AASS: variants seen among roughly 807,000 people sequenced by gnomAD.
The protein encoded by AASS is aminoadipate-semialdehyde synthase.
AASS carries 86 observed loss-of-function variants against 105.4 expected under a neutral mutation model. The ratio of observed to expected loss-of-function variants is 0.82; its 90% CI spans 0.69 to 0.98. The LOEUF is 0.98. Ranked by LOEUF, AASS falls within the 50% of genes least tolerant of loss-of-function variation. The pLI, the probability that AASS is intolerant of heterozygous loss-of-function variation, is 0.00. For synonymous variants in AASS, 381 were observed against 394.8 expected, an observed-to-expected ratio of 0.96 and a Z score of 0.41; for missense variants, 1,048 against 1,143.2, an observed-to-expected ratio of 0.92 and a Z score of 1.20.
intron 20 of AASS, among the ~76,000 whole-genome samples, chr7:122,080,652 G>A (rs1157540685): frequency 6.6e-6 from 1 of 152,194 alleles, no homozygotes; most frequent in Non-Finnish European, 1.5e-5. Context: ...AATGCTTGAG[G>A]TGGTAGATAC....
chr7:122,090,003 T>C (rs1336931719), intron 18 of AASS, among the ~76,000 whole-genome samples: 1 of 152,218 alleles, frequency 6.6e-6, no homozygotes. Context: ...TGTAAAAGGA[T>C]GTGTGCTTGG....
intron 19 of AASS, chr7:122,082,647 T>A (rs1031211097): frequency 8.2e-5 from 28 of 343,184 alleles, no homozygotes; most frequent in Non-Finnish European, 1.5e-4. Flanking sequence ...TCGGGGCAGA[T>A]AAGTCAAACA....
At chr7:122,124,693 C>A (rs780456466) in intron 4 of AASS, among the ~76,000 whole-genome samples, 8 of 152,194 alleles carry the variant, frequency 5.3e-5, no homozygotes, top group Non-Finnish European at 1.2e-4. Flanking sequence ...GGTCCTACTT[C>A]TGAATATGGT....
intron 21 of AASS, chr7:122,079,393 A>C: frequency 7.5e-7 from 1 of 1,338,352 alleles, no homozygotes; most frequent in South Asian, 1.5e-5. Context: ...CGAGATAAGC[A>C]TTTCTCAAAT....
At chr7:122,122,597 C>G (rs758209892) in intron 4 of AASS, among the ~76,000 whole-genome samples, 20 of 152,098 alleles carry the variant, frequency 1.3e-4, no homozygotes, top group Non-Finnish European at 2.6e-4. Context: ...CGGAAACAAT[C>G]CCAGAAACAA....
chr7:122,129,477 C>G lies in AASS; in HGVS notation c.271G>C (p.Gly91Arg). Residue 91 changes from glycine (G) to arginine (R), a missense_variant, in exon 3 of 24, where the codon GGA (glycine) becomes CGA (arginine). Physicochemically the swap from Gly to Arg is moderately radical, Grantham distance 125. Coordinates refer to ENST00000417368, the MANE Select transcript of AASS (RefSeq NM_005763.4). ...TTTTCCTCTGGAGGTCTTTTAACTC[C>G]TAAAATTAGACAAGCTTCAGAAATA... is the stretch of plus-strand genomic sequence containing the variant. ...EDISEACLIL[G>R]VKRPPEEKLM... 4 of 1,613,532 alleles carry G rather than the reference C, an allele frequency of 2.5e-6. No individual in the cohort carries two copies. The highest frequency in any genetic ancestry group is 1.7e-6 in the Non-Finnish European group (2 of 1,179,708).
intron 13 of AASS, 123 bp from the exon 14 acceptor site, chr7:122,098,989 C>T (rs1794305921): frequency 2.0e-6 from 2 of 1,009,720 alleles, no homozygotes; most frequent in East Asian, 2.7e-5. Flanking sequence ...AACATTTTCT[C>T]TTCACATTAC....
rs978664365 is a variant in AASS, at chr7:122,126,278, T to A, written c.472+97A>T. ...TTCATTTTAATTTTTTCCATGGAAATAAACACTCCTATCCCCTTGCCGCAG... is the reference window on the plus strand; with the variant it reads ...TTCATTTTAATTTTTTCCATGGAAAAAAACACTCCTATCCCCTTGCCGCAG... On this transcript the variant is annotated intron_variant, in intron 4 of 23. Coordinates refer to ENST00000417368, the MANE Select transcript of AASS (RefSeq NM_005763.4). 4 of 1,054,670 alleles carry A rather than the reference T, an allele frequency of 3.8e-6. No homozygotes were observed. In the African/African-American group the frequency reaches 4.7e-5, roughly 12 times the overall value. The allele number at this position is 1,054,670 out of a possible 1,614,324, so 65.3% of individuals were successfully genotyped here.
Position 122,116,686 on chromosome 7 carries a change from G to A in AASS, c.841C>T (p.Pro281Ser). 6.2e-7 allele frequency: 1 copy of A among 1,614,072 alleles called. No individual in the cohort carries two copies. Among genetic ancestry groups the A allele is most frequent in the Non-Finnish European group, 8.5e-7 (1 of 1,179,980 alleles). The part of the protein sequence containing the change: ...LVRKTDAVYD[P>S]AEYDKHPERY... ...TCCGGATGTTTGTCATACTCTGCAG[G>A]ATCATACACAGCATCTGTTTTCCTG... is the stretch of plus-strand genomic sequence containing the variant. Residue 281 changes from proline (P) to serine (S), a missense_variant, in exon 8 of 24, where the codon CCT (proline) becomes TCT (serine). By Grantham distance (74) the Pro-to-Ser change is moderately conservative. Transcript: ENST00000417368.
intron 18 of AASS, 101 bp from the exon 19 acceptor site, chr7:122,086,280 A>C (rs865999866): frequency 8.5e-7 from 1 of 1,179,636 alleles, no homozygotes; most frequent in Non-Finnish European, 1.2e-6. Context: ...AATTTGAAAA[A>C]AAAAATAAAA....
intron 18 of AASS, among the ~76,000 whole-genome samples, chr7:122,090,643 G>C (rs1793853193): frequency 6.6e-6 from 1 of 152,088 alleles, no homozygotes; most frequent in South Asian, 2.1e-4. Flanking sequence ...CAGGACTAGG[G>C]CAAGGTGAAT....
intron 2 of AASS, among the ~76,000 whole-genome samples, chr7:122,132,600 G>A (rs1255409862): frequency 3.3e-5 from 5 of 152,152 alleles, no homozygotes; most frequent in Non-Finnish European, 7.4e-5. Flanking sequence ...CCAACCATGG[G>A]ACGACCAGAT....
Position 122,113,717 on chromosome 7 carries a change from G to A in AASS, c.1047C>T (p.Leu349=), listed in dbSNP as rs753772911. ...VEGCPALPHK[L]VAICDISADT... ...CAGCTGAAATGTCACATATTGCCACGAGTCTGAAAATAACATCAATACTTA... is the reference window on the plus strand; with the variant it reads ...CAGCTGAAATGTCACATATTGCCACAAGTCTGAAAATAACATCAATACTTA... The change falls in exon 10 of 24, where the codon CTC becomes CTT. Residue 349 remains leucine (L), a synonymous_variant. Transcript: ENST00000417368. The A allele has an allele frequency of 2.5e-6, 4 of 1,612,324 alleles. No individual in the cohort carries two copies. Among genetic ancestry groups the A allele is most frequent in the Admixed American group, 1.7e-5 (1 of 59,968 alleles).
chr7:122,094,154 C>T lies in AASS; in HGVS notation c.1656-996G>A, dbSNP rs531667658. ...AACCTACTGGGTACTATGCTTGCTA[C>T]TTGGTGACAGATTCATTGATACTCC... is the stretch of plus-strand genomic sequence containing the variant. On this transcript the variant is annotated intron_variant, in intron 15 of 23. Coordinates refer to ENST00000417368, the MANE Select transcript of AASS (RefSeq NM_005763.4). Among the ~76,000 whole-genome samples, 66 of 152,268 alleles carry T rather than the reference C, an allele frequency of 4.3e-4. 2 individuals are homozygous for T. In the South Asian group the frequency reaches 0.013, roughly 31 times the overall value.
chr7:122,093,508 C>T (rs568283393), intron 15 of AASS, among the ~76,000 whole-genome samples: 1 of 152,250 alleles, frequency 6.6e-6, no homozygotes, highest in Admixed American at 6.5e-5. Context: ...AATTGACATG[C>T]CCATCAATAG....
In AASS at chr7:122,133,522, C is replaced by T; in HGVS notation, c.205G>A (p.Asp69Asn). ...AAAATATTGGAAATACTCACCTTAT[C>T]ATGAATGGCCCGCCGATTCGAAGGC... ...IQPSNRRAIH[D>N]KDYVKAGGIL... The change falls in exon 2 of 24, where the codon GAT (aspartate) becomes AAT (asparagine). Residue 69 changes from aspartate (D) to asparagine (N), a missense_variant. Coordinates refer to ENST00000417368, the MANE Select transcript of AASS (RefSeq NM_005763.4). 2.5e-6 allele frequency: 4 copies of T among 1,614,154 alleles called. No individual in the cohort carries two copies. The highest frequency in any genetic ancestry group is 3.4e-6 in the Non-Finnish European group (4 of 1,180,000).
chr7:122,127,449 T>C (rs1381630167), intron 3 of AASS, among the ~76,000 whole-genome samples: 1 of 152,152 alleles, frequency 6.6e-6, no homozygotes, highest in Non-Finnish European at 1.5e-5. Context: ...AAAGCAGCCC[T>C]GTTAGGTCAG....
chr7:122,093,269 C>T (rs1370539205), intron 15 of AASS, 111 bp from the exon 16 acceptor site: 1 of 837,952 alleles, frequency 1.2e-6, no homozygotes, highest in African/African-American at 1.7e-5. Flanking sequence ...TTAAATTATT[C>T]TCTCAGAAAA....
intron 8 of AASS, 43 bp downstream of exon 8, chr7:122,116,590 T>A: frequency 6.2e-7 from 1 of 1,612,876 alleles, no homozygotes; most frequent in South Asian, 1.1e-5. Flanking sequence ...CTACCTACAC[T>A]GTATCATAAG....
Sources: allele counts gnomAD v4.1 joint callset (sites outside exome capture counted in the v4.1 genomes callset), GRCh38; gene constraint gnomAD v4.1.1; transcripts MANE v1.5; gene names NCBI Gene and HGNC (gene_info 2026-07-23, HGNC 2026-07-21).